Variants in ZFYVE26 observed in about 807,000 individuals in gnomAD.
ZFYVE26 encodes the protein zinc finger FYVE-type containing 26.
Under a neutral mutation model 276.5 loss-of-function variants are expected in ZFYVE26, and 181 were observed. The ratio of observed to expected loss-of-function variants is 0.65; its 90% CI spans 0.58 to 0.74. The LOEUF (loss-of-function observed/expected upper bound fraction) is 0.74, where lower values mean the gene tolerates loss of function less well. ZFYVE26 is among the 30% of genes least tolerant of loss of function. ZFYVE26 has a pLI of 0.00. For missense variants in ZFYVE26, 2,821 were observed against 3,097.9 expected, an observed-to-expected ratio of 0.91 and a Z score of 2.12; for synonymous variants, 1,129 against 1,203.1, an observed-to-expected ratio of 0.94 and a Z score of 1.27.
At chr14:67,784,923 G>A (rs1207987266) in intron 19 of ZFYVE26, 136 bp downstream of exon 19, 8 of 925,172 alleles carry the variant, frequency 8.6e-6, no homozygotes, top group Admixed American at 1.8e-5. Flanking sequence ...AGATGAATAA[G>A]AGAGGACAAC....
intron 14 of ZFYVE26, among the ~76,000 whole-genome samples, chr14:67,791,723 T>C (rs114076514): frequency 8.0e-5 from 12 of 150,810 alleles, no homozygotes; most frequent in African/African-American, 2.7e-4. Context: ...GGGTAAAATA[T>C]CATGGGACTC....
chr14:67,772,164 T>G lies in ZFYVE26; in HGVS notation c.5367A>C (p.Pro1789=). ...HSPSLRERSF[P]PTQPSQEFVP... ...CAAATTCCTGTGAGGGCTGGGTTGGTGGGAAACTCCTTTCCCTTAGACTAG... is the reference window on the plus strand; with the variant it reads ...CAAATTCCTGTGAGGGCTGGGTTGGGGGGAAACTCCTTTCCCTTAGACTAG... Residue 1789 remains proline, a synonymous_variant, in exon 28 of 42, where the codon CCA becomes CCC. Transcript: ENST00000347230. The G allele has an allele frequency of 6.2e-7, 1 of 1,613,276 alleles. No individual in the cohort carries two copies. Among genetic ancestry groups the G allele is most frequent in the Non-Finnish European group, 8.5e-7 (1 of 1,179,784 alleles).
At position 67,755,172 on chromosome 14, in the gene ZFYVE26, G is replaced by T. The variant is rs1274428549; in HGVS notation, c.6865C>A (p.Leu2289Ile). The change falls in exon 37 of 42, where the codon CTC becomes ATC. Residue 2289 changes from leucine to isoleucine, a missense_variant. Leu to Ile is a conservative substitution (Grantham distance 5). Coordinates refer to ENST00000347230, the MANE Select transcript of ZFYVE26 (RefSeq NM_015346.4). The stretch of plus-strand genomic sequence containing the variant: ...TCCTTGGCCTTAAGTAGCCATGAGA[G>T]CTTCTCTCCCAGTTCTGTATATGAC... ...AKSYTELGEKLSWLLKAKDHL... is the reference protein window; with the variant it reads ...AKSYTELGEKISWLLKAKDHL... The T allele has an allele frequency of 6.2e-7, 1 of 1,614,172 alleles. No homozygotes were observed. The highest frequency in any genetic ancestry group is 1.1e-5 in the South Asian group (1 of 91,078).
chr14:67,793,847 T>A, intron 13 of ZFYVE26, 88 bp from the exon 14 acceptor site: 1 of 1,559,828 alleles, frequency 6.4e-7, no homozygotes, highest in Non-Finnish European at 8.8e-7. Context: ...CAAACTTTTA[T>A]CTCCTCAATG....
At chr14:67,732,012 A>G (rs1030563772) in intron 13 of ZFYVE26, among the ~76,000 whole-genome samples, 1 of 151,660 alleles carries the variant, frequency 6.6e-6, no homozygotes, top group Non-Finnish European at 1.5e-5. Flanking sequence ...CTGTAATCCC[A>G]GCCACTCAGG....
chr14:67,773,734 T>C (rs1488582928), intron 27 of ZFYVE26, among the ~76,000 whole-genome samples: 1 of 152,176 alleles, frequency 6.6e-6, no homozygotes, highest in African/African-American at 2.4e-5. Context: ...ACAGTCTGCT[T>C]TATGATATGT....
intron 2 of ZFYVE26, 55 bp from the exon 3 acceptor site, chr14:67,814,119 CT>C: frequency 7.1e-7 from 1 of 1,414,474 alleles, no homozygotes; most frequent in Non-Finnish European, 1.0e-6. Context: ...GATCTTTCAT[CT>C]TTTGTCATCC....
chr14:67,814,092 A>G (rs2040352937), intron 2 of ZFYVE26, 28 bp from the exon 3 acceptor site: 13 of 1,562,440 alleles, frequency 8.3e-6, no homozygotes, highest in Non-Finnish European at 1.1e-5. Context: ...AAAGACTTGT[A>G]AAAAAGAGTT....
chr14:67,733,747 G>C (rs2038315586), intron 13 of ZFYVE26: 1 of 1,609,640 alleles, frequency 6.2e-7, no homozygotes, highest in Non-Finnish European at 8.5e-7. Context: ...GCCCTCCAGT[G>C]ACTGCAAGAG....
Position 67,778,191 on chromosome 14 carries a change from T to C in ZFYVE26, c.4732A>G (p.Ile1578Val). ...CLYPIPREHL[I>V]SLHQKHLLHL... ...AGAAGATGCTTTTGATGAAGGCTGA[T>C]TAAATGTTCTCTTGGAATGGGGTAC... The change falls in exon 24 of 42, where the codon ATC becomes GTC. Residue 1578 changes from isoleucine (I) to valine (V), a missense_variant. Coordinates refer to ENST00000347230, the MANE Select transcript of ZFYVE26 (RefSeq NM_015346.4). 2 of 1,614,150 alleles carry C rather than the reference T, an allele frequency of 1.2e-6. No homozygotes were observed. Among genetic ancestry groups the C allele is most frequent in the Non-Finnish European group, 1.7e-6 (2 of 1,180,024 alleles).
At position 67,733,807 on chromosome 14, in the gene ZFYVE26, T is replaced by C. The variant is rs878853339; in HGVS notation, n.2680-3988A>G. ...AAATAACAAAACAGCTGAGCGCCTA[T>C]GGAATGTCAGCTGTGAGCTTCTAGG... On this transcript the variant is annotated intron_variant and non_coding_transcript_variant, in intron 13 of 14. Coordinates refer to the ZFYVE26 transcript ENST00000394455. 2.5e-6 allele frequency: 4 copies of C among 1,613,486 alleles called. No homozygotes were observed. Among genetic ancestry groups the C allele is most frequent in the African/African-American group, 2.7e-5 (2 of 75,020 alleles).
chr14:67,779,400 T>C (rs914519888), intron 23 of ZFYVE26, among the ~76,000 whole-genome samples: 8 of 151,934 alleles, frequency 5.3e-5, no homozygotes, highest in Non-Finnish European at 1.0e-4. Flanking sequence ...CTGTCTCTAT[T>C]AAAAATACAA....
intron 41 of ZFYVE26, chr14:67,750,364 G>A (rs541280792): frequency 6.5e-6 from 1 of 154,964 alleles, no homozygotes; most frequent in Non-Finnish European, 1.4e-5. Flanking sequence ...TTCATCACAG[G>A]GGACTCAGCT....
intron 35 of ZFYVE26, among the ~76,000 whole-genome samples, chr14:67,760,022 C>G (rs1048566756): frequency 3.9e-5 from 6 of 152,076 alleles, no homozygotes; most frequent in Non-Finnish European, 7.4e-5. Flanking sequence ...TCAAGGGTAA[C>G]TATGATTACA....
At position 67,761,506 on chromosome 14, in the gene ZFYVE26, G is replaced by A. The variant is rs138423670; in HGVS notation, c.6448C>T (p.Pro2150Ser). The A allele has an allele frequency of 8.3e-5, 134 of 1,614,152 alleles. No individual in the cohort carries two copies. In the African/African-American group the frequency reaches 1.6e-3, roughly 19 times the overall value. The change falls in exon 35 of 42, where the codon CCT (proline) becomes TCT (serine). Residue 2150 changes from proline (P) to serine (S), a missense_variant. Pro to Ser is a moderately conservative substitution (Grantham distance 74). Transcript: ENST00000347230. ...GTGTTGTTCATGATTTTCCCTTCAG[G>A]AATCACTGCCAGAGAAAGGCTCTGC... ...RTQSLSLAVI[P>S]EGKIMNNTYY... is the part of the protein sequence containing the mutation.
intron 2 of ZFYVE26, 22 bp from the exon 3 acceptor site, chr14:67,814,086 A>C: frequency 3.8e-6 from 6 of 1,588,836 alleles, no homozygotes; most frequent in Non-Finnish European, 3.5e-6. Flanking sequence ...AAAAAGAAAG[A>C]CTTGTAAAAA....
rs2039462534 is a variant in ZFYVE26 at position 67,780,245 on chromosome 14, G to A, written c.4670C>T (p.Ala1557Val). The change falls in exon 23 of 42, where the codon GCA (alanine) becomes GTA (valine). Residue 1557 changes from alanine to valine, a missense_variant. Ala to Val is a moderately conservative substitution (Grantham distance 64). Transcript: ENST00000347230. Reference sequence around the variant, plus strand: ...CACCACCCAGGAAAACGGTACCTGTGCTTCTAGAATCATGTTCATGACAGT... The same window carrying A: ...CACCACCCAGGAAAACGGTACCTGTACTTCTAGAATCATGTTCATGACAGT... ...PSTVMNMILEAQEYELCEEWG... is the reference protein window; with the variant it reads ...PSTVMNMILEVQEYELCEEWG... 1.2e-6 allele frequency: 2 copies of A among 1,613,586 alleles called. No individual in the cohort carries two copies. The highest frequency in any genetic ancestry group is 1.3e-5 in the African/African-American group (1 of 74,902).
rs2038321624 is a variant in ZFYVE26, at chr14:67,734,054, A to G, written n.2680-4235T>C. 3 of 466,100 alleles carry G rather than the reference A, an allele frequency of 6.4e-6. No homozygotes were observed. The East Asian group carries it at 1.4e-4, about 21-fold the overall frequency. The allele number at this position is 466,100 out of a possible 1,614,324, so 28.9% of individuals were successfully genotyped here. ...TATGGCATGAGTTGTGGACACCTAT[A>G]GAGTGTTCTTCTCTAAGACCTGGAA... On this transcript the variant is annotated intron_variant and non_coding_transcript_variant, in intron 13 of 14. Transcript: ENST00000394455.
chr14:67,729,101 C>G, intron 14 of ZFYVE26: 1 of 1,336,710 alleles, frequency 7.5e-7, no homozygotes, highest in South Asian at 1.2e-5. Flanking sequence ...TGAGTCCCTC[C>G]TTCTCACTTG....
Sources: allele counts gnomAD v4.1 joint callset (sites outside exome capture counted in the v4.1 genomes callset), GRCh38; gene constraint gnomAD v4.1.1; transcripts MANE v1.5; gene names NCBI Gene and HGNC (gene_info 2026-07-23, HGNC 2026-07-21).